The following MDM2 variants were observed in gnomAD, a reference collection of about 807,000 sequenced individuals.
MDM2 encodes MDM2 proto-oncogene.
In MDM2, 11 loss-of-function variants were observed where a neutral mutation model predicts 64.3. The observed-to-expected ratio is 0.17, with a 90% CI of 0.11 to 0.28. The LOEUF (loss-of-function observed/expected upper bound fraction) is 0.28. Ranked by LOEUF, MDM2 falls within the 10% of genes least tolerant of loss-of-function variation. MDM2 has a pLI of 1.00. For synonymous variants in MDM2, 194 were observed against 192.9 expected, an observed-to-expected ratio of 1.01 and a Z score of -0.05; for missense variants, 388 against 577.1, an observed-to-expected ratio of 0.67 and a Z score of 3.36.
downstream of MDM2, chr12:68,848,617 A>T (rs1884489571): frequency 6.6e-6 from 1 of 152,192 alleles, no homozygotes. Flanking sequence ...TTTTAGAAAA[A>T]ATTGCTCCCT....
At position 68,824,369 on chromosome 12, in the gene MDM2, C is replaced by T. The variant is rs567563488; in HGVS notation, c.365C>T (p.Ser122Leu). The change falls in exon 6 of 11, where the codon TCG (serine) becomes TTG (leucine). Residue 122 changes from serine to leucine, a missense_variant. Coordinates refer to ENST00000258149, the MANE Select transcript of MDM2 (RefSeq NM_002392.6). ...NLVVVNQQES[S>L]DSGTSVSENR... Reference sequence around the variant, plus strand: ...CCTTTTTCTTTTCTCTCAGAATCATCGGACTCAGGTACATCTGTGAGTGAG... The same window carrying T: ...CCTTTTTCTTTTCTCTCAGAATCATTGGACTCAGGTACATCTGTGAGTGAG... 3.1e-5 allele frequency: 48 copies of T among 1,559,566 alleles called. No individual in the cohort carries two copies. The highest frequency in any genetic ancestry group is 3.0e-4 in the South Asian group (27 of 90,340).
chr12:68,825,192 G>A (rs554448048), intron 7 of MDM2, among the ~76,000 whole-genome samples: 37 of 152,096 alleles, frequency 2.4e-4, no homozygotes, highest in East Asian at 7.8e-4. Context: ...CTGGGTAACC[G>A]TGTGAGACTT....
chr12:68,816,148 G>A (rs1881349591), intron 3 of MDM2, among the ~76,000 whole-genome samples: 1 of 152,062 alleles, frequency 6.6e-6, no homozygotes, highest in African/African-American at 2.4e-5. Context: ...CCAGACCACT[G>A]CCATATTTTA....
Position 68,828,877 on chromosome 12 carries a change from G to A in MDM2, c.630G>A (p.Glu210=), listed in dbSNP as rs1321816960. The change falls in exon 8 of 11, where the codon GAG becomes GAA. Residue 210 remains glutamate, a synonymous_variant. Coordinates refer to ENST00000258149, the MANE Select transcript of MDM2 (RefSeq NM_002392.6). ...DESLALCVIR[E]ICCERSSSSE... ...GCCTGGCTCTGTGTGTAATAAGGGA[G>A]ATATGTTGTGAAAGAAGCAGTAGCA... 1 of 1,614,068 alleles carries A rather than the reference G, an allele frequency of 6.2e-7. No homozygotes were observed. Among genetic ancestry groups the A allele is most frequent in the Non-Finnish European group, 8.5e-7 (1 of 1,180,006 alleles).
chr12:68,816,233 GT>G (rs1881358627), intron 3 of MDM2, among the ~76,000 whole-genome samples: 1 of 151,804 alleles, frequency 6.6e-6, no homozygotes, highest in Non-Finnish European at 1.5e-5. Flanking sequence ...TAATATGTTA[GT>G]ATCTAAGTAT....
Position 68,840,270 on chromosome 12 carries a change from A to G in MDM2, c.*421A>G. On this transcript the variant is annotated 3_prime_UTR_variant, in exon 11 of 11. Coordinates refer to ENST00000258149, the MANE Select transcript of MDM2 (RefSeq NM_002392.6). ...CACCATTCTCCTGCCTCAGCCTCCCAATTAGCTTGGCCTACAGTCATCTGC... is the reference window on the plus strand; with the variant it reads ...CACCATTCTCCTGCCTCAGCCTCCCGATTAGCTTGGCCTACAGTCATCTGC... The G allele has an allele frequency of 5.5e-6, 1 of 180,942 alleles. No individual in the cohort carries two copies. Among genetic ancestry groups the G allele is most frequent in the Non-Finnish European group, 1.2e-5 (1 of 86,180 alleles). 11.2% of individuals were successfully genotyped at this position (180,942 alleles called of 1,614,324 possible). A position where few individuals can be genotyped will look rare whatever the true frequency, so the allele number is the denominator to read the frequency against.
intron 3 of MDM2, among the ~76,000 whole-genome samples, chr12:68,816,362 C>CTTTTTTTT (rs62874563): frequency 4.9e-5 from 3 of 61,084 alleles, no homozygotes; most frequent in African/African-American, 2.0e-4. Flanking sequence ...TTAAAAGTAG[C>CTTTTTTTT]TTTTTTTTTT....
chr12:68,810,592 G>T (rs1880795579), intron 2 of MDM2, among the ~76,000 whole-genome samples: 1 of 151,692 alleles, frequency 6.6e-6, no homozygotes, highest in African/African-American at 2.4e-5. Flanking sequence ...CTCCCGAGTA[G>T]CTGGGACTAC....
intron 8 of MDM2, among the ~76,000 whole-genome samples, chr12:68,834,290 A>G (rs746561074): frequency 1.3e-5 from 2 of 152,158 alleles, no homozygotes; most frequent in Non-Finnish European, 2.9e-5. Context: ...AAAAACATAA[A>G]AATTAGCCGG....
intron 7 of MDM2, 118 bp downstream of exon 7, chr12:68,824,769 C>T (rs1327230931): frequency 1.5e-6 from 1 of 663,324 alleles, no homozygotes. Context: ...GATGAATTAA[C>T]CTCTGAGTTT....
downstream of MDM2, chr12:68,847,436 C>A (rs1343607808): frequency 7.3e-6 from 1 of 136,304 alleles, no homozygotes; most frequent in Non-Finnish European, 1.5e-5. Context: ...TTGTAACATC[C>A]TTTTGTATCT....
intron 2 of MDM2, among the ~76,000 whole-genome samples, chr12:68,811,822 G>GAAC (rs905876730): frequency 4.5e-4 from 68 of 152,126 alleles, no homozygotes; most frequent in African/African-American, 1.6e-3. Context: ...GGCTGGTCTT[G>GAAC]AACTTCTGAC....
At chr12:68,820,146 G>A (rs1881723879) in intron 4 of MDM2, among the ~76,000 whole-genome samples, 179 bp from the exon 5 acceptor site, 1 of 152,176 alleles carries the variant, frequency 6.6e-6, no homozygotes, top group Admixed American at 6.6e-5. Flanking sequence ...CATAATCATT[G>A]TGCTACTAAT....
chr12:68,822,371 C>CTTTT (rs142480058), intron 5 of MDM2, among the ~76,000 whole-genome samples: 5,334 of 146,022 alleles, frequency 0.037, 377 homozygotes, highest in African/African-American at 0.13. Flanking sequence ...TTTTAAAGCT[C>CTTTT]TTTTTTTTTT....
rs1327353728 is a variant in MDM2, at chr12:68,843,707, CTCTCTCTCTG to C, written c.*3862_*3871del. On this transcript the variant is annotated 3_prime_UTR_variant, in exon 11 of 11. Coordinates refer to ENST00000258149, the MANE Select transcript of MDM2 (RefSeq NM_002392.6). ...ACATTGTTGCTTCAAAACTCTCTCTCTCTCTCTCTGTCTGTCTCAATAAATGGCCAAAGGG... is the reference window on the plus strand; with the variant it reads ...ACATTGTTGCTTCAAAACTCTCTCTCTCTGTCTCAATAAATGGCCAAAGGG... The C allele has an allele frequency of 4.4e-6, 1 of 225,048 alleles. No individual in the cohort carries two copies. Among genetic ancestry groups the C allele is most frequent in the African/African-American group, 2.2e-5 (1 of 44,670 alleles). The allele number at this position is 225,048 out of a possible 1,614,324, so 13.9% of individuals were successfully genotyped here. A position where few individuals can be genotyped will look rare whatever the true frequency, so the allele number is the denominator to read the frequency against.
At chr12:68,833,446 T>A (rs1056837467) in intron 8 of MDM2, among the ~76,000 whole-genome samples, 5 of 143,414 alleles carry the variant, frequency 3.5e-5, no homozygotes, top group East Asian at 2.0e-4. Context: ...ATTTTAAAAA[T>A]ATATATAGAG....
At chr12:68,820,241 A>G (rs2136128169) in intron 4 of MDM2, 84 bp from the exon 5 acceptor site, 1 of 999,748 alleles carries the variant, frequency 1.0e-6, no homozygotes, top group Non-Finnish European at 1.5e-6. Flanking sequence ...GTATGTATGT[A>G]GAAGTCTGGT....
At chr12:68,831,363 C>T (rs1214424709) in intron 8 of MDM2, among the ~76,000 whole-genome samples, 1 of 152,136 alleles carries the variant, frequency 6.6e-6, no homozygotes, top group Admixed American at 6.5e-5. Context: ...TTGCATAGGG[C>T]TCAGAGGATT....
chr12:68,816,361 G>GTTTT (rs1269976488), intron 3 of MDM2, among the ~76,000 whole-genome samples: 6 of 105,980 alleles, frequency 5.7e-5, no homozygotes, highest in African/African-American at 2.2e-4. Context: ...CTTAAAAGTA[G>GTTTT]CTTTTTTTTT....
Sources: gnomAD v4.1 joint callset for allele counts (sites outside exome capture counted in the v4.1 genomes callset) on GRCh38, gnomAD v4.1.1 for gene constraint, MANE v1.5 for transcripts, NCBI Gene and HGNC (gene_info 2026-07-23, HGNC 2026-07-21) for gene names.